The following ACTR3C variants were observed in gnomAD, a reference collection of about 807,000 sequenced individuals.
ACTR3C encodes actin-related protein 3C.
Under a neutral mutation model 26.3 loss-of-function variants are expected in ACTR3C, and 18 were observed. That is an observed-to-expected ratio of 0.68 (90% CI 0.47 to 1.01). The LOEUF (loss-of-function observed/expected upper bound fraction) is 1.01. Ranked by LOEUF, ACTR3C falls within the 50% of genes least tolerant of loss-of-function variation. The probability of loss-of-function intolerance (pLI) is 0.00; values close to 1 mark genes in which losing one functional copy is unlikely to be tolerated. For missense variants in ACTR3C, 184 were observed against 250.7 expected (o/e 0.73, Z 1.80); for synonymous variants, 55 against 94.5 (o/e 0.58, Z 2.42).
chr7:150,176,781 A>G, the ACTR3C span, among the ~76,000 whole-genome samples: 2 of 150,948 alleles, frequency 1.3e-5, no homozygotes. Flanking sequence ...ATGGAGCCAC[A>G]GGAAACTCGG....
chr7:150,204,889 G>A, the ACTR3C span, among the ~76,000 whole-genome samples: 1 of 151,928 alleles, frequency 6.6e-6, no homozygotes, highest in Admixed American at 6.6e-5. Context: ...AGGAGGACTG[G>A]AGAGTGCAGA....
At chr7:150,002,232 C>G in the ACTR3C span, 1 of 152,258 alleles carries the variant, frequency 6.6e-6, no homozygotes, top group Non-Finnish European at 1.5e-5. Context: ...TTTATACCCT[C>G]TCCAGCTCTG....
At chr7:150,225,096 G>A in the ACTR3C span, among the ~76,000 whole-genome samples, 2 of 151,548 alleles carry the variant, frequency 1.3e-5, no homozygotes, top group African/African-American at 4.9e-5. Context: ...GCACTACAAG[G>A]TGCCTCAGGC....
At chr7:149,935,552 C>A in the ACTR3C span, among the ~76,000 whole-genome samples, 1 of 149,648 alleles carries the variant, frequency 6.7e-6, no homozygotes, top group African/African-American at 2.5e-5. Flanking sequence ...CAGGCATGAG[C>A]CACCATGCCC....
the ACTR3C span, among the ~76,000 whole-genome samples, chr7:149,908,964 T>C: frequency 1.3e-5 from 2 of 151,984 alleles, no homozygotes; most frequent in Non-Finnish European, 2.9e-5. Context: ...GTATTTTTGA[T>C]AGAGACGGGG....
the ACTR3C span, among the ~76,000 whole-genome samples, chr7:150,164,544 T>A: frequency 6.6e-6 from 1 of 151,962 alleles, no homozygotes; most frequent in Admixed American, 6.6e-5. Flanking sequence ...TATAATTTTA[T>A]TTCCTTATGC....
the ACTR3C span, among the ~76,000 whole-genome samples, chr7:150,096,960 C>T: frequency 6.6e-6 from 1 of 152,220 alleles, no homozygotes; most frequent in Non-Finnish European, 1.5e-5. Flanking sequence ...GGCAAGGCCA[C>T]TGCCCAGGCA....
At chr7:149,976,589 A>AGAG in the ACTR3C span, among the ~76,000 whole-genome samples, 1 of 150,050 alleles carries the variant, frequency 6.7e-6, no homozygotes. Context: ...AAAAAAAAAA[A>AGAG]AGAGAGAGAG....
the ACTR3C span, among the ~76,000 whole-genome samples, chr7:150,162,642 A>T: frequency 6.6e-6 from 1 of 152,186 alleles, no homozygotes; most frequent in Non-Finnish European, 1.5e-5. Context: ...AAAAACCTCA[A>T]TTACTTTTGC....
intron 1 of ACTR3C, among the ~76,000 whole-genome samples, chr7:150,296,467 T>A (rs1280166609): frequency 1.3e-5 from 2 of 152,030 alleles, no homozygotes; most frequent in African/African-American, 2.4e-5. Flanking sequence ...ATAACCATCA[T>A]CAAACAGGAG....
At chr7:150,123,166 T>C in the ACTR3C span, among the ~76,000 whole-genome samples, 1 of 151,754 alleles carries the variant, frequency 6.6e-6, no homozygotes, top group Non-Finnish European at 1.5e-5. Context: ...CAAACCACCA[T>C]GGCACATGTA....
chr7:150,185,708 G>A, the ACTR3C span, among the ~76,000 whole-genome samples: 1 of 151,558 alleles, frequency 6.6e-6, no homozygotes, highest in African/African-American at 2.4e-5. Context: ...CCTAAGATGA[G>A]CAGAAAAGCT....
chr7:150,188,553 C>T, the ACTR3C span, among the ~76,000 whole-genome samples: 1 of 151,372 alleles, frequency 6.6e-6, no homozygotes, highest in Non-Finnish European at 1.5e-5. Flanking sequence ...AAAGTAGCTG[C>T]TCCGTTTCAC....
intron 6 of ACTR3C, among the ~76,000 whole-genome samples, chr7:150,280,156 C>T (rs1252594835): frequency 6.6e-6 from 1 of 152,146 alleles, no homozygotes; most frequent in Admixed American, 6.5e-5. Flanking sequence ...TTTTACCATC[C>T]AGGTGTCCAG....
chr7:150,158,907 GCA>G, the ACTR3C span, among the ~76,000 whole-genome samples: 22 of 147,026 alleles, frequency 1.5e-4, no homozygotes, highest in East Asian at 3.5e-3. Flanking sequence ...ACACACGTGC[GCA>G]CACACACGTG....
the ACTR3C span, among the ~76,000 whole-genome samples, chr7:150,039,375 G>T: frequency 1.0e-5 from 1 of 97,880 alleles, no homozygotes; most frequent in Admixed American, 1.2e-4. Context: ...CTCCTGCGAT[G>T]GGGGTCCTAA....
At chr7:150,259,588 T>C (rs938829699) in intron 6 of ACTR3C, among the ~76,000 whole-genome samples, 1 of 152,168 alleles carries the variant, frequency 6.6e-6, no homozygotes, top group African/African-American at 2.4e-5. Flanking sequence ...GCCTTTAACC[T>C]GCTCCCAGAA....
chr7:150,317,598 G>A (rs1479678186), intron 1 of ACTR3C, among the ~76,000 whole-genome samples: 1 of 152,068 alleles, frequency 6.6e-6, no homozygotes, highest in African/African-American at 2.4e-5. Context: ...TAAACCACCA[G>A]AACAACGTTA....
At chr7:150,162,009 G>C in the ACTR3C span, among the ~76,000 whole-genome samples, 105,126 of 152,058 alleles carry the variant, frequency 0.69, 37,518 homozygotes, top group East Asian at 0.91. Flanking sequence ...TAATAAAGAC[G>C]ATTGCTTCCT....
Sources: allele counts gnomAD v4.1 joint callset (sites outside exome capture counted in the v4.1 genomes callset), GRCh38; gene constraint gnomAD v4.1.1; transcripts MANE v1.5; gene names NCBI Gene and HGNC (gene_info 2026-07-23, HGNC 2026-07-21).